Variants in NEDD1 observed in about 807,000 individuals in gnomAD.
NEDD1 encodes the protein NEDD1 gamma-tubulin ring complex targeting factor.
Under a neutral mutation model 74.0 loss-of-function variants are expected in NEDD1, and 33 were observed. That is an observed-to-expected ratio of 0.45 (90% CI 0.34 to 0.60). NEDD1 has a LOEUF of 0.60. NEDD1 is among the 20% of genes least tolerant of loss of function. NEDD1 has a pLI of 0.01. For missense variants in NEDD1, 746 were observed against 776.5 expected (o/e 0.96, Z 0.47); for synonymous variants, 250 against 264.4 (o/e 0.95, Z 0.53).
chr12:96,914,292 G>C (rs1452359987), intron 4 of NEDD1, among the ~76,000 whole-genome samples: 3 of 152,080 alleles, frequency 2.0e-5, no homozygotes. Flanking sequence ...TATGCATTAT[G>C]CCTTAGGATC....
At chr12:96,942,518 TA>T (rs1877758208) in intron 10 of NEDD1, 58 bp from the exon 11 acceptor site, 2 of 846,326 alleles carry the variant, frequency 2.4e-6, no homozygotes, top group African/African-American at 3.4e-5. Flanking sequence ...ATAAGAAGCC[TA>T]AATTGATATG....
intron 15 of NEDD1, among the ~76,000 whole-genome samples, 171 bp from the exon 16 acceptor site, chr12:96,951,778 C>T (rs1165467895): frequency 6.6e-6 from 1 of 151,610 alleles, no homozygotes; most frequent in East Asian, 1.9e-4. Context: ...ACTAATTTCA[C>T]CAACGATCTT....
In NEDD1 at chr12:96,917,748, TAA is replaced by T; in HGVS notation, c.348+18_348+19del. ...CATCGATCTCTTAAGGTAAGCAATT[TAA>T]AAAAAATCTTCATGAAAAAATGGAT... is the stretch of plus-strand genomic sequence containing the variant. On this transcript the variant is annotated intron_variant, in intron 5 of 15. Transcript: ENST00000266742. The T allele has an allele frequency of 6.5e-7, 1 of 1,540,046 alleles. No homozygotes were observed. Among genetic ancestry groups the T allele is most frequent in the Non-Finnish European group, 8.7e-7 (1 of 1,155,546 alleles).
At chr12:96,948,427 G>A (rs1268156820) in intron 14 of NEDD1, among the ~76,000 whole-genome samples, 1 of 152,002 alleles carries the variant, frequency 6.6e-6, no homozygotes, top group Non-Finnish European at 1.5e-5. Flanking sequence ...GCATGAAGAT[G>A]GGTCTCTTTT....
Position 96,928,189 on chromosome 12 carries a change from T to C in NEDD1, c.490-6787T>C, listed in dbSNP as rs540459086. 2.0e-5 allele frequency among the ~76,000 whole-genome samples: 3 copies of C among 152,332 alleles called. No individual in the cohort carries two copies. The South Asian group carries it at 6.2e-4, about 32-fold the overall frequency. Reference sequence around the variant, plus strand: ...CTTCTGTCCATATAGTTATACTCATTCTGTTTGTCCAATCATGTTTTCTGC... The same window carrying C: ...CTTCTGTCCATATAGTTATACTCATCCTGTTTGTCCAATCATGTTTTCTGC... On this transcript the variant is annotated intron_variant, in intron 6 of 15. Transcript: ENST00000266742.
At position 96,934,986 on chromosome 12, in the gene NEDD1, A is replaced by C. The variant is rs757254484; in HGVS notation, c.500A>C (p.His167Pro). The C allele has an allele frequency of 3.8e-6, 6 of 1,593,434 alleles. No homozygotes were observed. In the Admixed American group the frequency reaches 5.0e-5, roughly 13 times the overall value. The change falls in exon 7 of 16, where the codon CAC becomes CCC. Residue 167 changes from histidine to proline, a missense_variant. Transcript: ENST00000266742. The part of the protein sequence containing the change: ...FGHGSNQSVR[H>P]LKYSLFKKSL... ...CTTTCATTTTTATAGTCTGTTCGGC[A>C]CTTGAAGTACTCCTTGTTTAAGAAA...
intron 2 of NEDD1, among the ~76,000 whole-genome samples, chr12:96,908,838 C>G (rs185286202): frequency 6.6e-6 from 1 of 152,236 alleles, no homozygotes; most frequent in Admixed American, 6.5e-5. Flanking sequence ...AGGAATGTTT[C>G]AAGACTCTGG....
chr12:96,913,820 A>G (rs574557605), intron 4 of NEDD1, among the ~76,000 whole-genome samples: 1 of 151,812 alleles, frequency 6.6e-6, no homozygotes, highest in African/African-American at 2.4e-5. Flanking sequence ...TTTTTTTTTA[A>G]TTTCAAAGTT....
At chr12:96,920,245 T>G in intron 6 of NEDD1, 120 bp downstream of exon 6, 1 of 579,002 alleles carries the variant, frequency 1.7e-6, no homozygotes, top group Non-Finnish European at 2.9e-6. Flanking sequence ...TATTTTTAAA[T>G]GGTAGTGTTT....
intron 9 of NEDD1, among the ~76,000 whole-genome samples, chr12:96,940,194 A>T (rs1345922294): frequency 1.3e-5 from 2 of 151,774 alleles, no homozygotes; most frequent in Non-Finnish European, 3.0e-5. Flanking sequence ...TTCCATGAAA[A>T]TCCTGGTTAA....
chr12:96,952,745 A>C lies in NEDD1; in HGVS notation c.*692A>C, dbSNP rs560179489. On this transcript the variant is annotated 3_prime_UTR_variant, in exon 16 of 16. Transcript: ENST00000266742. ...ATAAAAAATGTTTAAGGTTCATAGG[A>C]CTCGACAAGAGCTATCTGGTGATTT... 9.9e-5 allele frequency: 15 copies of C among 151,770 alleles called. No homozygotes were observed. Among genetic ancestry groups the C allele is most frequent in the African/African-American group, 3.6e-4 (15 of 41,494 alleles). The allele number at this position is 151,770 out of a possible 1,614,324, so 9.4% of individuals were successfully genotyped here.
At chr12:96,915,835 G>A (rs1257689191) in intron 4 of NEDD1, among the ~76,000 whole-genome samples, 2 of 152,136 alleles carry the variant, frequency 1.3e-5, no homozygotes, top group African/African-American at 2.4e-5. Context: ...ACATTCTGGC[G>A]GGGGACAGGC....
At chr12:96,934,534 T>G (rs1441717439) in intron 6 of NEDD1, among the ~76,000 whole-genome samples, 4 of 151,714 alleles carry the variant, frequency 2.6e-5, no homozygotes, top group African/African-American at 9.7e-5. Flanking sequence ...TGGGTTTTTT[T>G]GTTTTGTTTT....
At chr12:96,913,126 T>C (rs1874091576) in intron 4 of NEDD1, among the ~76,000 whole-genome samples, 1 of 152,114 alleles carries the variant, frequency 6.6e-6, no homozygotes, top group South Asian at 2.1e-4. Context: ...ATATCCCACA[T>C]AGGTTACTAG....
chr12:96,945,610 G>C (rs249589), intron 13 of NEDD1, 83 bp from the exon 14 acceptor site: 745,036 of 833,700 alleles, frequency 0.89, 333,194 homozygotes, highest in East Asian at 0.97. Context: ...TTTCAAGTTT[G>C]CACATGCCAA....
intron 13 of NEDD1, 57 bp downstream of exon 13, chr12:96,944,852 T>C: frequency 2.4e-6 from 3 of 1,270,054 alleles, no homozygotes; most frequent in Admixed American, 5.2e-5. Flanking sequence ...ATCATCCCCA[T>C]TATTTAACTT....
At chr12:96,947,211 A>G (rs554962000) in intron 14 of NEDD1, among the ~76,000 whole-genome samples, 2 of 152,170 alleles carry the variant, frequency 1.3e-5, no homozygotes, top group African/African-American at 2.4e-5. Flanking sequence ...GTTAAAGAAT[A>G]TACGTTTTTT....
intron 9 of NEDD1, among the ~76,000 whole-genome samples, chr12:96,937,849 A>C (rs1004545775): frequency 1.3e-5 from 2 of 152,240 alleles, no homozygotes; most frequent in Non-Finnish European, 2.9e-5. Context: ...CAGTTCTGAA[A>C]CAGGATTCAT....
intron 12 of NEDD1, among the ~76,000 whole-genome samples, chr12:96,944,242 CGT>C (rs1235075210): frequency 7.2e-5 from 11 of 151,876 alleles, no homozygotes; most frequent in African/African-American, 2.7e-4. Context: ...TCTGTATTTT[CGT>C]ATTTATTGTT....
Sources: gnomAD v4.1 joint callset for allele counts (sites outside exome capture counted in the v4.1 genomes callset) on GRCh38, gnomAD v4.1.1 for gene constraint, MANE v1.5 for transcripts, NCBI Gene and HGNC (gene_info 2026-07-23, HGNC 2026-07-21) for gene names.